The following DHDDS variants were observed in gnomAD, a reference collection of about 807,000 sequenced individuals.
The protein encoded by DHDDS is dehydrodolichyl diphosphate synthase subunit.
Under a neutral mutation model 46.2 loss-of-function variants are expected in DHDDS, and 16 were observed. The ratio of observed to expected loss-of-function variants is 0.35; its 90% CI spans 0.23 to 0.53. The LOEUF is 0.53. DHDDS is among the 20% of genes least tolerant of loss of function. The probability of loss-of-function intolerance (pLI) is 0.94; values close to 1 mark genes in which losing one functional copy is unlikely to be tolerated. For synonymous variants in DHDDS, 151 were observed against 163.1 expected (o/e 0.93, Z 0.56); for missense variants, 340 against 423.7 (o/e 0.80, Z 1.73).
At chr1:26,465,393 T>C (rs997538637) in intron 8 of DHDDS, among the ~76,000 whole-genome samples, 40 of 152,338 alleles carry the variant, frequency 2.6e-4, no homozygotes, top group Admixed American at 2.0e-3. Flanking sequence ...GGTCTCGCCA[T>C]GTTGCCCAGG....
intron 4 of DHDDS, among the ~76,000 whole-genome samples, chr1:26,443,938 G>C (rs2075243044): frequency 6.6e-6 from 1 of 152,132 alleles, no homozygotes; most frequent in Non-Finnish European, 1.5e-5. Flanking sequence ...GATATTATTA[G>C]CCAATTTTTA....
chr1:26,457,467 C>G (rs1301157675), intron 6 of DHDDS, among the ~76,000 whole-genome samples: 1 of 147,934 alleles, frequency 6.8e-6, no homozygotes, highest in Non-Finnish European at 1.5e-5. Flanking sequence ...GAGACTCTAT[C>G]TCAAATAAAT....
chr1:26,453,645 T>C (rs2075342402), intron 6 of DHDDS, among the ~76,000 whole-genome samples: 1 of 152,018 alleles, frequency 6.6e-6, no homozygotes, highest in African/African-American at 2.4e-5. Context: ...TCACAGCTAC[T>C]TGGGAGGCTG....
intron 6 of DHDDS, 66 bp downstream of exon 6, chr1:26,447,726 C>T (rs1335454773): frequency 4.2e-6 from 6 of 1,424,470 alleles, no homozygotes; most frequent in South Asian, 2.3e-5. Flanking sequence ...TGGCAGCTCA[C>T]GCCTGTAATC....
At chr1:26,468,646 C>T (rs1465267743) in intron 8 of DHDDS, among the ~76,000 whole-genome samples, 2 of 152,156 alleles carry the variant, frequency 1.3e-5, no homozygotes, top group Non-Finnish European at 2.9e-5. Context: ...ATGAGAAAAA[C>T]TTTAAGAAGT....
chr1:26,440,209 GACACA>G (rs2075204668), intron 3 of DHDDS, among the ~76,000 whole-genome samples: 2 of 152,222 alleles, frequency 1.3e-5, no homozygotes, highest in African/African-American at 4.8e-5. Flanking sequence ...CTAGCACAGG[GACACA>G]GTTTGATGCC....
chr1:26,457,836 C>A lies in DHDDS; in HGVS notation c.588C>A (p.Arg196=), dbSNP rs745513492. The stretch of plus-strand genomic sequence containing the variant: ...TTGATAAGTGCCTCTATACCAACCG[C>A]TCTCCTCATCCTGACATCTTGATAC... ...SLLDKCLYTN[R]SPHPDILIRT... is the part of the protein sequence containing the mutation. The change falls in exon 7 of 9, where the codon CGC becomes CGA. Residue 196 remains arginine (R), a synonymous_variant. Transcript: ENST00000236342. 1 of 1,614,032 alleles carries A rather than the reference C, an allele frequency of 6.2e-7. No individual in the cohort carries two copies. Among genetic ancestry groups the A allele is most frequent in the South Asian group, 1.1e-5 (1 of 91,078 alleles).
At chr1:26,453,540 T>C (rs545408480) in intron 6 of DHDDS, among the ~76,000 whole-genome samples, 3 of 152,288 alleles carry the variant, frequency 2.0e-5, no homozygotes, top group South Asian at 4.1e-4. Flanking sequence ...TTGGATCGCT[T>C]GAGCTCATAA....
intron 2 of DHDDS, among the ~76,000 whole-genome samples, chr1:26,437,326 T>G (rs2075169810): frequency 6.6e-6 from 1 of 152,182 alleles, no homozygotes; most frequent in African/African-American, 2.4e-5. Context: ...TGGCATGTAG[T>G]ACGTGCTCAG....
At chr1:26,441,245 T>C (rs1441326810) in intron 3 of DHDDS, among the ~76,000 whole-genome samples, 1 of 150,286 alleles carries the variant, frequency 6.7e-6, no homozygotes, top group African/African-American at 2.5e-5. Context: ...AGTTGAAGTC[T>C]CACTCTGTAG....
Position 26,469,127 on chromosome 1 carries a change from C to T in DHDDS, c.998C>T (p.Ala333Val). Residue 333 changes from alanine to valine, a missense_variant, in exon 9 of 9, where the codon GCC becomes GTC. Transcript: ENST00000236342. ...DWLARLGTAS[A>V] ...CTGGCCCGTCTGGGCACTGCATCAG[C>T]CTGAATGAGGCTGGCCACCTGCCAC... 6.2e-7 allele frequency: 1 copy of T among 1,611,818 alleles called. No individual in the cohort carries two copies. The highest frequency in any genetic ancestry group is 8.5e-7 in the Non-Finnish European group (1 of 1,180,042).
At chr1:26,466,509 C>T (rs898903094) in intron 8 of DHDDS, among the ~76,000 whole-genome samples, 4 of 152,236 alleles carry the variant, frequency 2.6e-5, no homozygotes, top group Admixed American at 2.6e-4. Flanking sequence ...ATCTCAGCCT[C>T]GCTGTCATTT....
chr1:26,438,311 T>G, intron 3 of DHDDS, 27 bp downstream of exon 3: 1 of 1,597,754 alleles, frequency 6.3e-7, no homozygotes, highest in East Asian at 2.2e-5. Context: ...GAGCCCAAAG[T>G]GAACAGTCTG....
intron 8 of DHDDS, among the ~76,000 whole-genome samples, chr1:26,461,817 A>G (rs1256837672): frequency 6.6e-6 from 1 of 152,204 alleles, no homozygotes; most frequent in East Asian, 1.9e-4. Context: ...GTCTCAGAAT[A>G]TGAGGAAATT....
At position 26,433,029 on chromosome 1, in the gene DHDDS, C is replaced by T. The variant is rs777589768; in HGVS notation, c.63+21C>T. On this transcript the variant is annotated intron_variant, in intron 2 of 8. Coordinates refer to ENST00000236342, the MANE Select transcript of DHDDS (RefSeq NM_205861.3). ...TAAAGGTGAGCAATGGCCCAGAGCA[C>T]CGGTTGGCCTTCTGGTCAGTTGGAT... 8 of 1,613,994 alleles carry T rather than the reference C, an allele frequency of 5.0e-6. No individual in the cohort carries two copies. In the Admixed American group the frequency reaches 1.2e-4, roughly 24 times the overall value.
chr1:26,450,653 A>G (rs1053626253), intron 6 of DHDDS, among the ~76,000 whole-genome samples: 1 of 152,202 alleles, frequency 6.6e-6, no homozygotes, highest in African/African-American at 2.4e-5. Flanking sequence ...GCACCCATGG[A>G]AACAATGGTG....
At chr1:26,437,583 G>C (rs954184427) in intron 2 of DHDDS, among the ~76,000 whole-genome samples, 2 of 151,764 alleles carry the variant, frequency 1.3e-5, no homozygotes, top group Non-Finnish European at 2.9e-5. Context: ...CGATTCTCCT[G>C]CCTCAGCCTC....
intron 5 of DHDDS, 68 bp from the exon 6 acceptor site, chr1:26,447,491 G>A (rs1341942748): frequency 2.3e-6 from 3 of 1,288,338 alleles, no homozygotes; most frequent in African/African-American, 1.5e-5. Context: ...GGGCTTCTCT[G>A]TAATCAGTGA....
At chr1:26,433,450 A>G (rs1184612989) in intron 2 of DHDDS, among the ~76,000 whole-genome samples, 1 of 152,038 alleles carries the variant, frequency 6.6e-6, no homozygotes, top group Non-Finnish European at 1.5e-5. Flanking sequence ...AGGAGTTGAG[A>G]CCAGCCTGGG....
Sources: gnomAD v4.1 joint callset for allele counts (sites outside exome capture counted in the v4.1 genomes callset) on GRCh38, gnomAD v4.1.1 for gene constraint, MANE v1.5 for transcripts, NCBI Gene and HGNC (gene_info 2026-07-23, HGNC 2026-07-21) for gene names.